PKIB: variants seen among roughly 807,000 people sequenced by gnomAD.
PKIB encodes the protein cAMP-dependent protein kinase inhibitor beta, also known as PKI-beta.
A neutral mutation model predicts 4.5 loss-of-function variants in PKIB; 2 were observed. The ratio of observed to expected loss-of-function variants is 0.44; its 90% CI spans 0.18 to 1.39. PKIB has a LOEUF of 1.39. Ranked by LOEUF, PKIB falls within the 40% of genes most tolerant of loss-of-function variation. PKIB has a pLI of 0.27. For synonymous variants in PKIB, 38 were observed against 36.0 expected (o/e 1.06, Z -0.20); for missense variants, 94 against 92.6 (o/e 1.02, Z -0.06).
At chr6:122,530,428 A>G (rs1396979619) in intron 2 of PKIB, among the ~76,000 whole-genome samples, 1 of 152,040 alleles carries the variant, frequency 6.6e-6, no homozygotes, top group Non-Finnish European at 1.5e-5. Flanking sequence ...TCACAGATTT[A>G]TGTTTCTTTA....
At chr6:122,616,663 T>A (rs1265347497) in intron 1 of PKIB, among the ~76,000 whole-genome samples, 1 of 152,018 alleles carries the variant, frequency 6.6e-6, no homozygotes, top group East Asian at 1.9e-4. Context: ...GAACATACAA[T>A]GTTTTCAATC....
At chr6:122,708,641 C>G (rs777580302) in intron 3 of PKIB, among the ~76,000 whole-genome samples, 6 of 152,056 alleles carry the variant, frequency 3.9e-5, no homozygotes, top group Admixed American at 6.6e-5. Context: ...CAGAGTTAAT[C>G]TCTTTTTCTT....
At chr6:122,645,339 A>G (rs1776268763) in intron 2 of PKIB, among the ~76,000 whole-genome samples, 1 of 152,212 alleles carries the variant, frequency 6.6e-6, no homozygotes, top group Non-Finnish European at 1.5e-5. Context: ...CATGGTCTCC[A>G]GTGTGAAAGA....
intron 2 of PKIB, among the ~76,000 whole-genome samples, chr6:122,554,121 A>G (rs1387945125): frequency 6.6e-6 from 1 of 152,198 alleles, no homozygotes; most frequent in African/African-American, 2.4e-5. Context: ...AAAATTTTGT[A>G]CTACAGAGCT....
chr6:122,620,630 C>T (rs375882223), intron 1 of PKIB, among the ~76,000 whole-genome samples: 1 of 152,102 alleles, frequency 6.6e-6, no homozygotes, highest in African/African-American at 2.4e-5. Flanking sequence ...GCTCCTGAGG[C>T]GGTGAGGTAA....
Position 122,701,882 on chromosome 6 carries a change from A to G in PKIB, c.-8-15905A>G, listed in dbSNP as rs556341913. ...TACCACCAAAGGAGAAGAACATTGC[A>G]GGGCATGCAGGAGCATGTGAGGGTT... On this transcript the variant is annotated intron_variant, in intron 3 of 4. Coordinates refer to ENST00000368452, the MANE Select transcript of PKIB (RefSeq NM_181795.3). 2.6e-5 allele frequency among the ~76,000 whole-genome samples: 4 copies of G among 152,320 alleles called. No homozygotes were observed. In the East Asian group the frequency reaches 5.8e-4, roughly 22 times the overall value.
At chr6:122,584,697 A>C (rs757159675) in intron 2 of PKIB, among the ~76,000 whole-genome samples, 10 of 152,182 alleles carry the variant, frequency 6.6e-5, no homozygotes, top group Non-Finnish European at 1.3e-4. Context: ...TTTATTAAGA[A>C]AGAATCTTGA....
chr6:122,555,831 C>G (rs188137404), intron 2 of PKIB, among the ~76,000 whole-genome samples: 6 of 152,266 alleles, frequency 3.9e-5, no homozygotes, highest in Admixed American at 1.3e-4. Flanking sequence ...AAAGGCTAAT[C>G]TCATTATAAC....
In PKIB at chr6:122,703,939, TATAGAGAGAG is replaced by T. The variant is rs1257795899; in HGVS notation, c.-8-13846_-8-13837del. The stretch of plus-strand genomic sequence containing the variant: ...ATATGTGTGTATATATATATATATA[TATAGAGAGAG>T]AGAGAGAGAGAGAGAGAGAGAGAGA... On this transcript the variant is annotated intron_variant, in intron 3 of 4. Coordinates refer to ENST00000368452, the MANE Select transcript of PKIB (RefSeq NM_181795.3). Among the ~76,000 whole-genome samples, 40 of 103,190 alleles carry T rather than the reference TATAGAGAGAG, an allele frequency of 3.9e-4. 1 individual carries two copies. Among genetic ancestry groups the T allele is most frequent in the African/African-American group, 6.0e-4 (19 of 31,824 alleles). The allele number at this position is 103,190 out of a possible 152,430, so 67.7% of individuals were successfully genotyped here.
chr6:122,670,544 TTGCTCAG>T (rs1316258898), intron 2 of PKIB, among the ~76,000 whole-genome samples: 1 of 140,712 alleles, frequency 7.1e-6, no homozygotes, highest in Admixed American at 7.2e-5. Flanking sequence ...CATCAGACCT[TTGCTCAG>T]TGGCCCACAG....
At chr6:122,527,568 G>T (rs1345324243) in intron 2 of PKIB, among the ~76,000 whole-genome samples, 1 of 152,114 alleles carries the variant, frequency 6.6e-6, no homozygotes, top group Non-Finnish European at 1.5e-5. Context: ...GGGATTAACT[G>T]GTCAGCAGAG....
chr6:122,606,970 T>G (rs941838660), upstream of PKIB, among the ~76,000 whole-genome samples: 18 of 152,154 alleles, frequency 1.2e-4, no homozygotes, highest in East Asian at 3.3e-3. Flanking sequence ...AGAAGGTAAA[T>G]ACTGATTCTT....
upstream of PKIB, among the ~76,000 whole-genome samples, chr6:122,606,638 A>G (rs191891129): frequency 5.9e-5 from 9 of 152,046 alleles, no homozygotes; most frequent in Admixed American, 5.9e-4. Context: ...AGGAAGTGAT[A>G]CCCTGCCAAC....
intron 2 of PKIB, chr6:122,481,338 T>G (rs933598342): frequency 2.6e-5 from 4 of 152,164 alleles, no homozygotes; most frequent in Non-Finnish European, 4.4e-5. Context: ...AGAAAAGGAC[T>G]AAGAAACTGC....
chr6:122,553,477 T>A (rs892876622), intron 2 of PKIB, among the ~76,000 whole-genome samples: 6 of 110,276 alleles, frequency 5.4e-5, no homozygotes, highest in Non-Finnish European at 1.2e-4. Context: ...TGCTCAAATA[T>A]CTTCTTTTTT....
At chr6:122,711,954 C>T (rs538636185) in intron 3 of PKIB, among the ~76,000 whole-genome samples, 1 of 152,070 alleles carries the variant, frequency 6.6e-6, no homozygotes, top group South Asian at 2.1e-4. Flanking sequence ...TGTCAACAAA[C>T]CAAAGGTAGG....
At chr6:122,491,728 C>T (rs1473486542) in intron 2 of PKIB, among the ~76,000 whole-genome samples, 1 of 152,172 alleles carries the variant, frequency 6.6e-6, no homozygotes, top group Non-Finnish European at 1.5e-5. Flanking sequence ...ACACACTCCT[C>T]TGAGTTATAG....
chr6:122,687,737 T>C (rs1778150279), intron 3 of PKIB, among the ~76,000 whole-genome samples: 1 of 152,186 alleles, frequency 6.6e-6, no homozygotes, highest in Non-Finnish European at 1.5e-5. Context: ...GAAATTACTT[T>C]TTTGATTTCT....
chr6:122,555,664 G>A (rs1047221707), intron 2 of PKIB, among the ~76,000 whole-genome samples: 1 of 152,076 alleles, frequency 6.6e-6, no homozygotes, highest in African/African-American at 2.4e-5. Flanking sequence ...TATCCTGCAG[G>A]CCTTCTTTTT....
Sources: allele counts gnomAD v4.1 joint callset (sites outside exome capture counted in the v4.1 genomes callset), GRCh38; gene constraint gnomAD v4.1.1; transcripts MANE v1.5; gene names NCBI Gene and HGNC (gene_info 2026-07-23, HGNC 2026-07-21).